CDH13: variants seen among roughly 807,000 people sequenced by gnomAD.
CDH13 encodes cadherin 13, also known as cadherin-13.
Under a neutral mutation model 63.8 loss-of-function variants are expected in CDH13, and 24 were observed. The ratio of observed to expected loss-of-function variants is 0.38; its 90% confidence interval spans 0.27 to 0.53. The LOEUF (loss-of-function observed/expected upper bound fraction) is 0.53, where lower values mean the gene tolerates loss of function less well. CDH13 is among the 20% of genes least tolerant of loss of function. CDH13 has a pLI of 0.85. For synonymous variants in CDH13, 503 were observed against 355.3 expected, an observed-to-expected ratio of 1.42 and a Z score of -4.67; for missense variants, 1,049 against 903.1, an observed-to-expected ratio of 1.16 and a Z score of -2.07.
chr16:83,608,003 C>T (rs1029347351), intron 8 of CDH13, among the ~76,000 whole-genome samples: 3 of 152,080 alleles, frequency 2.0e-5, no homozygotes, highest in African/African-American at 7.2e-5. Context: ...ACATAAATCT[C>T]AGGTCATGGG....
At chr16:83,687,929 T>G (rs1904476484) in intron 10 of CDH13, among the ~76,000 whole-genome samples, 2 of 152,246 alleles carry the variant, frequency 1.3e-5, no homozygotes, top group Admixed American at 6.5e-5. Flanking sequence ...TGCTTTGTCC[T>G]GATTTCTTTG....
At chr16:83,289,132 A>G (rs1039800436) in intron 5 of CDH13, among the ~76,000 whole-genome samples, 5 of 152,232 alleles carry the variant, frequency 3.3e-5, no homozygotes, top group African/African-American at 9.6e-5. Context: ...AAGAACCAAA[A>G]AAGACACATT....
At chr16:83,345,090 G>A in intron 6 of CDH13, 84 bp downstream of exon 6, 1 of 1,468,036 alleles carries the variant, frequency 6.8e-7, no homozygotes, top group Non-Finnish European at 9.3e-7. Flanking sequence ...ACTGTCTTAT[G>A]GCTGTTCCAA....
intron 7 of CDH13, among the ~76,000 whole-genome samples, chr16:83,546,308 TG>T (rs1364184990): frequency 1.3e-5 from 2 of 152,168 alleles, no homozygotes; most frequent in Non-Finnish European, 2.9e-5. Flanking sequence ...CCCAGTACTT[TG>T]TCCGGAATTC....
At chr16:83,512,700 A>G (rs560186224) in intron 7 of CDH13, among the ~76,000 whole-genome samples, 13 of 151,260 alleles carry the variant, frequency 8.6e-5, no homozygotes, top group Non-Finnish European at 1.9e-4. Context: ...TAATAATAAT[A>G]GTAATAAAGA....
chr16:82,726,155 C>T (rs890180803), intron 1 of CDH13, among the ~76,000 whole-genome samples: 2 of 152,126 alleles, frequency 1.3e-5, no homozygotes, highest in African/African-American at 4.8e-5. Flanking sequence ...GTGCTGTGTG[C>T]ATGTGCGCAC....
chr16:82,955,854 G>A (rs771371656), intron 2 of CDH13, among the ~76,000 whole-genome samples: 3 of 152,146 alleles, frequency 2.0e-5, no homozygotes, highest in African/African-American at 7.2e-5. Flanking sequence ...TCTCCAGGAG[G>A]GGTTTGCAAT....
At chr16:83,212,788 C>A (rs1014744916) in intron 4 of CDH13, among the ~76,000 whole-genome samples, 1 of 152,146 alleles carries the variant, frequency 6.6e-6, no homozygotes, top group Non-Finnish European at 1.5e-5. Flanking sequence ...CAGCAATTCT[C>A]CCCCTACCCT....
chr16:82,967,963 A>G (rs1196937262), intron 2 of CDH13, among the ~76,000 whole-genome samples: 16 of 152,018 alleles, frequency 1.1e-4, no homozygotes, highest in Non-Finnish European at 1.2e-4. Flanking sequence ...TTCTTTGATA[A>G]TTTTTGCCCT....
At chr16:83,294,442 C>G (rs970307917) in intron 5 of CDH13, among the ~76,000 whole-genome samples, 2 of 152,144 alleles carry the variant, frequency 1.3e-5, no homozygotes, top group East Asian at 3.9e-4. Context: ...CTACTCACTA[C>G]TTCTGTGAGC....
At chr16:83,118,725 G>A (rs1196404232) in intron 3 of CDH13, among the ~76,000 whole-genome samples, 1 of 151,958 alleles carries the variant, frequency 6.6e-6, no homozygotes. Flanking sequence ...TAGAGGACGG[G>A]CACATTATCC....
At chr16:82,970,235 G>A (rs980149612) in intron 2 of CDH13, among the ~76,000 whole-genome samples, 1 of 152,032 alleles carries the variant, frequency 6.6e-6, no homozygotes, top group Non-Finnish European at 1.5e-5. Flanking sequence ...AGCTACATCC[G>A]TGATCCTGCA....
At chr16:83,388,334 T>C (rs2091718738) in intron 6 of CDH13, among the ~76,000 whole-genome samples, 1 of 150,662 alleles carries the variant, frequency 6.6e-6, no homozygotes, top group Non-Finnish European at 1.5e-5. Flanking sequence ...ATGCCTGTAG[T>C]CCCAACTACT....
At position 83,191,530 on chromosome 16, in the gene CDH13, CATATATATAT is replaced by C. The variant is rs71376303; in HGVS notation, c.484-25797_484-25788del. 1.2e-3 allele frequency among the ~76,000 whole-genome samples: 88 copies of C among 74,372 alleles called. 1 individual carries two copies. In the South Asian group the frequency reaches 0.035, roughly 29 times the overall value. 48.8% of individuals were successfully genotyped at this position (74,372 alleles called of 152,430 possible). On this transcript the variant is annotated intron_variant, in intron 4 of 13. Coordinates refer to ENST00000567109, the MANE Select transcript of CDH13 (RefSeq NM_001257.5). Reference sequence around the variant, plus strand: ...ACACACACACACACACACACACACACATATATATATATATATATATATATATACACACACA... The same window carrying C: ...ACACACACACACACACACACACACACATATATATATATATATACACACACA...
intron 6 of CDH13, among the ~76,000 whole-genome samples, chr16:83,388,311 A>G (rs1016753916): frequency 6.6e-6 from 1 of 150,558 alleles, no homozygotes; most frequent in Non-Finnish European, 1.5e-5. Flanking sequence ...AATGTTAGCC[A>G]GGCATGGTGG....
At chr16:83,042,110 A>T (rs1917380277) in intron 3 of CDH13, among the ~76,000 whole-genome samples, 2 of 152,140 alleles carry the variant, frequency 1.3e-5, no homozygotes, top group African/African-American at 4.8e-5. Context: ...CCTTCAAGAC[A>T]CCCGACACGC....
intron 6 of CDH13, among the ~76,000 whole-genome samples, chr16:83,368,465 A>G (rs978532208): frequency 6.6e-6 from 1 of 152,068 alleles, no homozygotes; most frequent in Non-Finnish European, 1.5e-5. Flanking sequence ...ATTATTCACC[A>G]TGCCTAGTTG....
chr16:83,221,666 G>A (rs544063666), intron 5 of CDH13, among the ~76,000 whole-genome samples: 50 of 150,734 alleles, frequency 3.3e-4, no homozygotes, highest in African/African-American at 1.1e-3. Flanking sequence ...ACGGTGGGGG[G>A]GCGGTTGGGA....
At chr16:82,985,000 G>T (rs1300183803) in intron 2 of CDH13, among the ~76,000 whole-genome samples, 1 of 152,028 alleles carries the variant, frequency 6.6e-6, no homozygotes. Flanking sequence ...TCCTTTTTGT[G>T]CCCAGCCCCT....
Sources: allele counts gnomAD v4.1 joint callset (sites outside exome capture counted in the v4.1 genomes callset), GRCh38; gene constraint gnomAD v4.1.1; transcripts MANE v1.5; gene names NCBI Gene and HGNC (gene_info 2026-07-23, HGNC 2026-07-21).